Variants in ZNF528 observed in about 807,000 individuals in gnomAD.
ZNF528 encodes zinc finger protein 528.
In ZNF528, 9 loss-of-function variants were observed where a neutral mutation model predicts 13.3. That is an observed-to-expected ratio of 0.67 (90% CI 0.41 to 1.18). The LOEUF is 1.18. Among genes scored for constraint, ZNF528 ranks in the 50% most tolerant of loss-of-function variants. The pLI is 0.01. For missense variants in ZNF528, 858 were observed against 745.4 expected, an observed-to-expected ratio of 1.15 and a Z score of -1.76; for synonymous variants, 264 against 254.3, an observed-to-expected ratio of 1.04 and a Z score of -0.36.
intron 6 of ZNF528, among the ~76,000 whole-genome samples, chr19:52,409,032 G>T (rs1309918049): frequency 6.6e-6 from 1 of 152,058 alleles, no homozygotes; most frequent in Non-Finnish European, 1.5e-5. Flanking sequence ...ATTTTTGCAG[G>T]TGAGTTTTGC....
At position 52,417,657 on chromosome 19, in the gene ZNF528, C is replaced by T. The variant is rs1466227858; in HGVS notation, c.*918C>T. 6.6e-6 allele frequency: 1 copy of T among 152,228 alleles called. No homozygotes were observed. Among genetic ancestry groups the T allele is most frequent in the Non-Finnish European group, 1.5e-5 (1 of 68,276 alleles). The allele number at this position is 152,228 out of a possible 1,614,324, so 9.4% of individuals were successfully genotyped here. A position where few individuals can be genotyped will look rare whatever the true frequency, so the allele number is the denominator to read the frequency against. ...TTGGAGATAGAGTCTCACTCTGTTG[C>T]CCAGGCTGGAGTGTAGTGGTGTGTT... On this transcript the variant is annotated 3_prime_UTR_variant, in exon 7 of 7. Coordinates refer to ENST00000360465, the MANE Select transcript of ZNF528 (RefSeq NM_032423.3).
At chr19:52,405,530 C>CA (rs780188240) in intron 4 of ZNF528, among the ~76,000 whole-genome samples, 94 of 150,728 alleles carry the variant, frequency 6.2e-4, no homozygotes, top group Non-Finnish European at 9.0e-4. Context: ...TACCCTGTCT[C>CA]AAAAAAAAGA....
At chr19:52,402,145 C>CAA in intron 4 of ZNF528, 117 bp downstream of exon 4, 1 of 1,425,248 alleles carries the variant, frequency 7.0e-7, no homozygotes, top group Non-Finnish European at 9.8e-7. Flanking sequence ...CTTGCACTTA[C>CAA]CCATGGCTTC....
In ZNF528 at chr19:52,416,438, T is replaced by TCATAC. The variant is rs754677460; in HGVS notation, c.1587_1588insATACC (p.Phe530IlefsTer14). The TCATAC allele has an allele frequency of 5.1e-5, 82 of 1,614,028 alleles. No homozygotes were observed. On this transcript the variant is annotated frameshift_variant, in exon 7 of 7. Coordinates refer to ENST00000360465, the MANE Select transcript of ZNF528 (RefSeq NM_032423.3). LOFTEE classifies it low-confidence loss of function (END_TRUNC). ...TACAAATGTAATCAATGTGGCAAGG[T>TCATAC]CTTTAATCAAGCATCATACCTTACA...
intron 2 of ZNF528, among the ~76,000 whole-genome samples, chr19:52,400,621 C>G (rs1428150802): frequency 5.3e-5 from 8 of 152,102 alleles, no homozygotes; most frequent in African/African-American, 1.9e-4. Flanking sequence ...CCCTAGACTC[C>G]AGCAATCCTC....
chr19:52,416,618 A>C lies in ZNF528; in HGVS notation c.1766A>C (p.Lys589Thr), dbSNP rs749036555. The C allele has an allele frequency of 1.7e-5, 27 of 1,614,188 alleles. No individual in the cohort carries two copies. The highest frequency in any genetic ancestry group is 2.3e-5 in the Non-Finnish European group (27 of 1,180,028). The stretch of plus-strand genomic sequence containing the variant: ...GAATGTGGCAAGATCTTCACTCAGA[A>C]GTCTTCCCTCACCAATCACCATAGA... ...CKECGKIFTQ[K>T]SSLTNHHRIH... The change falls in exon 7 of 7, where the codon AAG becomes ACG. Residue 589 changes from lysine to threonine, a missense_variant. Transcript: ENST00000360465.
At chr19:52,409,277 A>C (rs1455395239) in intron 6 of ZNF528, among the ~76,000 whole-genome samples, 7 of 150,500 alleles carry the variant, frequency 4.7e-5, no homozygotes, top group Non-Finnish European at 8.9e-5. Flanking sequence ...TATTTGGGTT[A>C]ATTTTAATTA....
In ZNF528 at chr19:52,398,502, C is replaced by T; in HGVS notation, c.-254C>T. ...TCTTCCGGAAGTGGGCATCTTATTC[C>T]AATCCCCTCCCTGTGAATGTGTGGA... is the stretch of plus-strand genomic sequence containing the variant. On this transcript the variant is annotated 5_prime_UTR_variant, in exon 2 of 7. Transcript: ENST00000360465. 1 of 901,082 alleles carries T rather than the reference C, an allele frequency of 1.1e-6. No homozygotes were observed. The highest frequency in any genetic ancestry group is 1.3e-6 in the Non-Finnish European group (1 of 752,814). The allele number at this position is 901,082 out of a possible 1,614,324, so 55.8% of individuals were successfully genotyped here. A position where few individuals can be genotyped will look rare whatever the true frequency, so the allele number is the denominator to read the frequency against.
intron 5 of ZNF528, 138 bp from the exon 6 acceptor site, chr19:52,406,377 T>G: frequency 7.6e-7 from 1 of 1,321,578 alleles, no homozygotes; most frequent in East Asian, 2.5e-5. Context: ...TCCCTAAGCA[T>G]TCAGAAAGAG....
intron 4 of ZNF528, chr19:52,402,308 G>T (rs772867740): frequency 5.3e-5 from 31 of 579,592 alleles, no homozygotes; most frequent in Non-Finnish European, 8.9e-5. Context: ...AGTGCTGCTG[G>T]GCAGCAGGGA....
At position 52,415,677 on chromosome 19, in the gene ZNF528, C is replaced by G. The variant is rs1168275402; in HGVS notation, c.825C>G (p.Asp275Glu). The G allele has an allele frequency of 2.5e-6, 4 of 1,614,120 alleles. No individual in the cohort carries two copies. Among genetic ancestry groups the G allele is most frequent in the Non-Finnish European group, 3.4e-6 (4 of 1,180,010 alleles). ...AGCCTTACAAATGTCATGAATGTGA[C>G]AAGGTCTTTCGAAGCAGTTCAAAGC... ...GEKPYKCHEC[D>E]KVFRSSSKLA... The change falls in exon 7 of 7, where the codon GAC (aspartate) becomes GAG (glutamate). Residue 275 changes from aspartate to glutamate, a missense_variant. Asp to Glu is a conservative substitution (Grantham distance 45). Coordinates refer to ENST00000360465, the MANE Select transcript of ZNF528 (RefSeq NM_032423.3).
In ZNF528 at chr19:52,416,057, T is replaced by C. The variant is rs1445343562; in HGVS notation, c.1205T>C (p.Ile402Thr). 3 of 1,614,066 alleles carry C rather than the reference T, an allele frequency of 1.9e-6. No individual in the cohort carries two copies. Among genetic ancestry groups the C allele is most frequent in the Admixed American group, 1.7e-5 (1 of 60,026 alleles). ...TGTTTCCTGACCTCTCATCAGAGAA[T>C]TCATACTAGAGAGAGACCTTATGGA... ...RKCFLTSHQR[I>T]HTRERPYGCS... Residue 402 changes from isoleucine to threonine, a missense_variant, in exon 7 of 7, where the codon ATT becomes ACT. Transcript: ENST00000360465.
intron 4 of ZNF528, among the ~76,000 whole-genome samples, chr19:52,402,823 CTT>C (rs1387435600): frequency 1.3e-5 from 2 of 152,094 alleles, no homozygotes; most frequent in Non-Finnish European, 2.9e-5. Flanking sequence ...AATTAGTAAA[CTT>C]AATTAAATTT....
intron 4 of ZNF528, chr19:52,402,328 G>T (rs2058804470): frequency 7.3e-6 from 4 of 548,464 alleles, no homozygotes; most frequent in Admixed American, 3.2e-5. Flanking sequence ...ATTGTTCAGG[G>T]ATCACATCTG....
At chr19:52,406,831 C>T (rs1032336341) in intron 6 of ZNF528, 188 bp downstream of exon 6, 1 of 641,122 alleles carries the variant, frequency 1.6e-6, no homozygotes, top group Non-Finnish European at 2.3e-6. Context: ...GCCACTGTAC[C>T]CTGCAAAGCC....
intron 4 of ZNF528, among the ~76,000 whole-genome samples, chr19:52,404,940 G>A (rs983531208): frequency 3.3e-5 from 5 of 151,850 alleles, no homozygotes; most frequent in African/African-American, 7.2e-5. Context: ...GGTTGGGGCC[G>A]GGCACAGTGG....
chr19:52,416,552 A>G lies in ZNF528; in HGVS notation c.1700A>G (p.His567Arg), dbSNP rs781005836. 72 of 1,614,124 alleles carry G rather than the reference A, an allele frequency of 4.5e-5. No individual in the cohort carries two copies. The highest frequency in any genetic ancestry group is 6.7e-5 in the Admixed American group (4 of 60,010). The change falls in exon 7 of 7, where the codon CAT (histidine) becomes CGT (arginine). Residue 567 changes from histidine (H) to arginine (R), a missense_variant. Physicochemically the swap from His to Arg is conservative, Grantham distance 29. Transcript: ENST00000360465. ...CGAGGGTGTTCAGGCCTTACTGCCCATCTTGCAATCCATACTGAAAAGAAA... is the reference window on the plus strand; with the variant it reads ...CGAGGGTGTTCAGGCCTTACTGCCCGTCTTGCAATCCATACTGAAAAGAAA... ...AFRGCSGLTA[H>R]LAIHTEKKSH...
chr19:52,414,002 A>G, intron 6 of ZNF528: 1 of 534,520 alleles, frequency 1.9e-6, no homozygotes, highest in East Asian at 3.2e-5. Context: ...AGGCTGTCTC[A>G]ATAGAACTTG....
intron 6 of ZNF528, among the ~76,000 whole-genome samples, chr19:52,410,728 G>A (rs1469958554): frequency 2.6e-5 from 4 of 152,198 alleles, no homozygotes; most frequent in East Asian, 1.9e-4. Context: ...TTTTGTGGCT[G>A]TAGCCGGGAG....
Sources: gnomAD v4.1 joint callset for allele counts (sites outside exome capture counted in the v4.1 genomes callset) on GRCh38, gnomAD v4.1.1 for gene constraint, MANE v1.5 for transcripts, NCBI Gene and HGNC (gene_info 2026-07-23, HGNC 2026-07-21) for gene names.